ZNF804A: variants seen among roughly 807,000 people sequenced by gnomAD.
ZNF804A encodes the protein zinc finger protein 804A.
In ZNF804A, 2 loss-of-function variants were observed where a neutral mutation model predicts 16.5. That is an observed-to-expected ratio of 0.12 (90% confidence interval 0.05 to 0.38). The LOEUF (loss-of-function observed/expected upper bound fraction) is 0.38, where lower values mean the gene tolerates loss of function less well. Ranked by LOEUF, ZNF804A falls within the 10% of genes least tolerant of loss-of-function variation. The pLI is 0.99. For synonymous variants in ZNF804A, 534 were observed against 489.6 expected (o/e 1.09, Z -1.20); for missense variants, 1,473 against 1,390.7 (o/e 1.06, Z -0.94).
intron 1 of ZNF804A, among the ~76,000 whole-genome samples, chr2:184,782,323 G>A (rs1694382965): frequency 6.6e-6 from 1 of 151,584 alleles, no homozygotes; most frequent in African/African-American, 2.4e-5. Flanking sequence ...CGAAGGTGTT[G>A]CCAAAGAAGA....
At chr2:184,851,210 CCT>C (rs1313539595) in intron 1 of ZNF804A, among the ~76,000 whole-genome samples, 1 of 151,604 alleles carries the variant, frequency 6.6e-6, no homozygotes, top group Non-Finnish European at 1.5e-5. Context: ...TAAAATCTAC[CCT>C]CTTAGCAGTT....
At chr2:184,810,484 C>CTTTTTTTTTTTTTTT (rs1175105602) in intron 1 of ZNF804A, among the ~76,000 whole-genome samples, 1 of 95,972 alleles carries the variant, frequency 1.0e-5, no homozygotes, top group African/African-American at 4.4e-5. Flanking sequence ...TGTTCTTTTC[C>CTTTTTTTTTTTTTTT]TTTTTTTTTT....
chr2:184,784,769 C>T (rs1694422265), intron 1 of ZNF804A, among the ~76,000 whole-genome samples: 1 of 151,982 alleles, frequency 6.6e-6, no homozygotes, highest in Non-Finnish European at 1.5e-5. Flanking sequence ...CACTTCTTAA[C>T]TCACCACATG....
intron 2 of ZNF804A, among the ~76,000 whole-genome samples, 161 bp from the exon 3 acceptor site, chr2:184,933,442 C>T (rs958517589): frequency 2.6e-5 from 4 of 151,994 alleles, no homozygotes; most frequent in East Asian, 1.9e-4. Context: ...AGCCAAAATG[C>T]GAGAAAATAT....
At chr2:184,599,548 C>T (rs1052874165) in intron 1 of ZNF804A, among the ~76,000 whole-genome samples, 1 of 152,190 alleles carries the variant, frequency 6.6e-6, no homozygotes, top group East Asian at 1.9e-4. Flanking sequence ...CCAGCTCTTT[C>T]CTGAAGGACT....
At chr2:184,650,595 A>G (rs1293458061) in intron 1 of ZNF804A, among the ~76,000 whole-genome samples, 1 of 152,198 alleles carries the variant, frequency 6.6e-6, no homozygotes, top group Non-Finnish European at 1.5e-5. Flanking sequence ...TGGAACTGAT[A>G]AATAACTTCA....
intron 1 of ZNF804A, among the ~76,000 whole-genome samples, chr2:184,783,723 A>G (rs926886696): frequency 6.6e-6 from 1 of 151,940 alleles, no homozygotes; most frequent in African/African-American, 2.4e-5. Flanking sequence ...CGTATTCCAC[A>G]GTGCCCTTTC....
At chr2:184,842,263 CA>C (rs980804186) in intron 1 of ZNF804A, among the ~76,000 whole-genome samples, 8 of 152,124 alleles carry the variant, frequency 5.3e-5, no homozygotes, top group South Asian at 2.1e-4. Context: ...GAATTAACCA[CA>C]GGGGCAGAGC....
chr2:184,909,718 G>T (rs1307054490), intron 2 of ZNF804A, among the ~76,000 whole-genome samples: 1 of 151,586 alleles, frequency 6.6e-6, no homozygotes, highest in Non-Finnish European at 1.5e-5. Flanking sequence ...TCAATATGTA[G>T]AATTCTACCT....
chr2:184,828,254 T>C (rs1237573248), intron 1 of ZNF804A, among the ~76,000 whole-genome samples: 2 of 151,850 alleles, frequency 1.3e-5, no homozygotes, highest in African/African-American at 4.8e-5. Context: ...AGTAAACAAC[T>C]GAATGATTTT....
intron 1 of ZNF804A, among the ~76,000 whole-genome samples, chr2:184,607,965 A>G (rs1238354996): frequency 1.8e-3 from 3 of 1,702 alleles, no homozygotes; most frequent in African/African-American, 5.2e-3. Context: ...TTTTTTTTTG[A>G]GACGGAGTCT....
At chr2:184,695,700 G>A (rs1189502853) in intron 1 of ZNF804A, among the ~76,000 whole-genome samples, 1 of 151,960 alleles carries the variant, frequency 6.6e-6, no homozygotes, top group Non-Finnish European at 1.5e-5. Context: ...TATCAAGCAT[G>A]AGCTACTGTG....
chr2:184,921,192 A>G (rs1685523111), intron 2 of ZNF804A, among the ~76,000 whole-genome samples: 1 of 152,216 alleles, frequency 6.6e-6, no homozygotes. Flanking sequence ...TTCTAGATGT[A>G]AATATGACAT....
At chr2:184,647,271 A>C (rs917525217) in intron 1 of ZNF804A, among the ~76,000 whole-genome samples, 1 of 152,208 alleles carries the variant, frequency 6.6e-6, no homozygotes, top group South Asian at 2.1e-4. Context: ...AATGATTACA[A>C]AGCTTGTAAT....
intron 1 of ZNF804A, among the ~76,000 whole-genome samples, chr2:184,737,052 T>G (rs1693628315): frequency 6.6e-6 from 1 of 150,990 alleles, no homozygotes; most frequent in Admixed American, 6.6e-5. Context: ...TACTTTTTTT[T>G]GTTTGTTTTT....
At chr2:184,742,159 A>G (rs956455161) in intron 1 of ZNF804A, among the ~76,000 whole-genome samples, 3 of 152,142 alleles carry the variant, frequency 2.0e-5, no homozygotes, top group Middle Eastern at 3.4e-3. Flanking sequence ...CTTTTTAATC[A>G]TTTAGTCTCG....
At chr2:184,626,012 G>A (rs551353379) in intron 1 of ZNF804A, among the ~76,000 whole-genome samples, 1 of 152,150 alleles carries the variant, frequency 6.6e-6, no homozygotes, top group East Asian at 1.9e-4. Context: ...GGGACTACAG[G>A]TGCCCGCCAC....
At chr2:184,904,177 T>C (rs182558900) in intron 2 of ZNF804A, among the ~76,000 whole-genome samples, 9 of 152,138 alleles carry the variant, frequency 5.9e-5, no homozygotes, top group African/African-American at 2.2e-4. Flanking sequence ...GTGAATTACA[T>C]GTATAATGAA....
chr2:184,727,170 TTGTC>T (rs1323975857), intron 1 of ZNF804A, among the ~76,000 whole-genome samples: 4 of 151,628 alleles, frequency 2.6e-5, no homozygotes, highest in East Asian at 1.9e-4. Flanking sequence ...GCATTTCTGT[TTGTC>T]TGAATAGAAT....
Sources: gnomAD v4.1 joint callset for allele counts (sites outside exome capture counted in the v4.1 genomes callset) on GRCh38, gnomAD v4.1.1 for gene constraint, MANE v1.5 for transcripts, NCBI Gene and HGNC (gene_info 2026-07-23, HGNC 2026-07-21) for gene names.